RGPD2: variants seen among roughly 807,000 people sequenced by gnomAD.
RGPD2 encodes the protein RANBP2 like and GRIP domain containing 2, also known as RANBP2-like and GRIP domain-containing protein 2.
In RGPD2, 2 loss-of-function variants were observed where a neutral mutation model predicts 36.0. The observed-to-expected ratio is 0.06, with a 90% confidence interval of 0.02 to 0.17. RGPD2 has a LOEUF of 0.17. RGPD2 is among the 10% of genes least tolerant of loss of function. The pLI, the probability that RGPD2 is intolerant of heterozygous loss-of-function variation, is 1.00. For synonymous variants in RGPD2, 19 were observed against 163.8 expected, an observed-to-expected ratio of 0.12 and a Z score of 6.75; for missense variants, 40 against 464.3, an observed-to-expected ratio of 0.09 and a Z score of 8.40.
At chr2:87,883,743 C>T in the RGPD2 span, among the ~76,000 whole-genome samples, 1 of 152,018 alleles carries the variant, frequency 6.6e-6, no homozygotes, top group Non-Finnish European at 1.5e-5. Flanking sequence ...GTGGTAAGTT[C>T]ATAAGGAGGA....
chr2:87,855,349 C>T, the RGPD2 span, among the ~76,000 whole-genome samples: 2,128 of 150,636 alleles, frequency 0.014, 31 homozygotes, highest in African/African-American at 0.048. Context: ...TTCCCACCAA[C>T]GATGATTGAG....
the RGPD2 span, among the ~76,000 whole-genome samples, chr2:87,875,444 T>G: frequency 2.0e-5 from 3 of 152,296 alleles, no homozygotes; most frequent in African/African-American, 7.2e-5. Context: ...AAGCCTTTTC[T>G]GCATTGATTG....
At chr2:87,784,876 CTAAA>C (rs1380394775) in intron 19 of RGPD2, among the ~76,000 whole-genome samples, 195 bp downstream of exon 19, 1 of 86,660 alleles carries the variant, frequency 1.2e-5, no homozygotes, top group Admixed American at 1.3e-4. Context: ...TTAAAATATT[CTAAA>C]TATTCACACT....
the RGPD2 span, among the ~76,000 whole-genome samples, chr2:87,978,841 C>A: frequency 6.9e-6 from 1 of 144,590 alleles, no homozygotes; most frequent in African/African-American, 2.6e-5. Context: ...TGGCTTGAGC[C>A]TATGAGTTCG....
chr2:87,974,033 C>T, the RGPD2 span, among the ~76,000 whole-genome samples: 1 of 151,996 alleles, frequency 6.6e-6, no homozygotes, highest in South Asian at 2.1e-4. Flanking sequence ...TTCACAACTC[C>T]GGGGGCATCA....
the RGPD2 span, among the ~76,000 whole-genome samples, chr2:87,930,606 T>C: frequency 6.6e-6 from 1 of 151,254 alleles, no homozygotes; most frequent in African/African-American, 2.4e-5. Context: ...AGGAGTTTCT[T>C]CTCAAATTTT....
At chr2:87,934,593 A>G in the RGPD2 span, among the ~76,000 whole-genome samples, 3 of 151,408 alleles carry the variant, frequency 2.0e-5, no homozygotes, top group South Asian at 4.2e-4. Flanking sequence ...TGATAAGATC[A>G]TTTGTTTGCA....
the RGPD2 span, among the ~76,000 whole-genome samples, chr2:87,879,344 AT>A: frequency 6.6e-6 from 1 of 151,958 alleles, no homozygotes; most frequent in Admixed American, 6.6e-5. Context: ...TTAAATTATT[AT>A]TAACCACAGT....
chr2:87,771,404 T>TG (rs1685113379), intron 22 of RGPD2: 1 of 29,230 alleles, frequency 3.4e-5, no homozygotes, highest in African/African-American at 1.1e-4. Flanking sequence ...TTTTTTTTTT[T>TG]TTTTTTTTTT....
Position 87,763,235 on chromosome 2 carries a change from G to A in RGPD2, c.5237-5809C>T, listed in dbSNP as rs1227706412. ...TGCAGTGGCACGATCTCAGCTCACT[G>A]CAAGCTCCGCCTCCCGGGTTCGCGC... On this transcript the variant is annotated intron_variant, in intron 22 of 22. Coordinates refer to ENST00000398146, the MANE Select transcript of RGPD2 (RefSeq NM_001078170.3). Among the ~76,000 whole-genome samples the A allele has an allele frequency of 3.5e-5, 5 of 142,208 alleles. No homozygotes were observed. The South Asian group carries it at 9.3e-4, about 26-fold the overall frequency. 93.3% of individuals were successfully genotyped at this position (142,208 alleles called of 152,430 possible). A position where few individuals can be genotyped will look rare whatever the true frequency, so the allele number is the denominator to read the frequency against.
the RGPD2 span, chr2:87,972,676 GA>G: frequency 1.3e-6 from 2 of 1,533,018 alleles, no homozygotes; most frequent in African/African-American, 2.8e-5. Flanking sequence ...CCAGCAGCGG[GA>G]ACGGCAGCGA....
At chr2:87,972,068 G>C in the RGPD2 span, among the ~76,000 whole-genome samples, 2 of 151,790 alleles carry the variant, frequency 1.3e-5, no homozygotes, top group African/African-American at 4.8e-5. Context: ...TCAAGTAAAA[G>C]ATAGGACTAA....
At chr2:87,912,221 G>T in the RGPD2 span, among the ~76,000 whole-genome samples, 2 of 148,974 alleles carry the variant, frequency 1.3e-5, no homozygotes, top group African/African-American at 4.9e-5. Context: ...TTGTTTAGCT[G>T]TCTTATTCAC....
the RGPD2 span, among the ~76,000 whole-genome samples, chr2:87,932,804 T>G: frequency 6.6e-6 from 1 of 151,854 alleles, no homozygotes; most frequent in Admixed American, 6.6e-5. Flanking sequence ...TTATAGAGCT[T>G]CAGCTTAGAG....
chr2:87,912,741 A>G, the RGPD2 span, among the ~76,000 whole-genome samples: 1 of 92,852 alleles, frequency 1.1e-5, no homozygotes, highest in African/African-American at 4.4e-5. Flanking sequence ...GATTAGCCCC[A>G]TTTTACAGTT....
the RGPD2 span, among the ~76,000 whole-genome samples, chr2:87,929,018 C>T: frequency 6.6e-6 from 1 of 151,732 alleles, no homozygotes; most frequent in Non-Finnish European, 1.5e-5. Context: ...ACTCTATTGA[C>T]AGTATCCTTG....
the RGPD2 span, among the ~76,000 whole-genome samples, chr2:87,930,506 C>G: frequency 6.6e-6 from 1 of 152,018 alleles, no homozygotes; most frequent in Admixed American, 6.6e-5. Flanking sequence ...TCATGTTCAT[C>G]AAAGATATGG....
the RGPD2 span, among the ~76,000 whole-genome samples, chr2:87,894,713 C>T: frequency 7.0e-6 from 1 of 143,586 alleles, no homozygotes; most frequent in Admixed American, 7.1e-5. Flanking sequence ...AGGAATGCGT[C>T]GTATACTCAT....
chr2:87,846,598 A>G, the RGPD2 span, among the ~76,000 whole-genome samples: 2 of 152,178 alleles, frequency 1.3e-5, no homozygotes, highest in African/African-American at 4.8e-5. Flanking sequence ...CTGCAGCCAA[A>G]CTTTGTGTAA....
Sources: allele counts gnomAD v4.1 joint callset (sites outside exome capture counted in the v4.1 genomes callset), GRCh38; gene constraint gnomAD v4.1.1; transcripts MANE v1.5; gene names NCBI Gene and HGNC (gene_info 2026-07-23, HGNC 2026-07-21).